PARD3: variants seen among roughly 807,000 people sequenced by gnomAD.
The protein encoded by PARD3 is partitioning defective 3 homolog.
PARD3 carries 75 observed loss-of-function variants against 155.4 expected under a neutral mutation model. The observed-to-expected ratio is 0.48, with a 90% CI of 0.40 to 0.58. The LOEUF (loss-of-function observed/expected upper bound fraction) is 0.58. Ranked by LOEUF, PARD3 falls within the 20% of genes least tolerant of loss-of-function variation. PARD3 has a pLI of 0.00. For missense variants in PARD3, 1,642 were observed against 1,721.7 expected (o/e 0.95, Z 0.82); for synonymous variants, 576 against 610.5 (o/e 0.94, Z 0.83).
chr10:34,404,562 G>A (rs1005013914), intron 5 of PARD3, among the ~76,000 whole-genome samples: 4 of 151,354 alleles, frequency 2.6e-5, no homozygotes, highest in African/African-American at 9.7e-5. Flanking sequence ...ACTAAACTGT[G>A]CCAAAGAACT....
intron 22 of PARD3, among the ~76,000 whole-genome samples, chr10:34,224,053 T>C (rs1225919584): frequency 3.3e-5 from 5 of 152,340 alleles, no homozygotes; most frequent in African/African-American, 7.2e-5. Context: ...TCCTTACAGT[T>C]TGATATGGTT....
intron 22 of PARD3, among the ~76,000 whole-genome samples, chr10:34,189,558 G>A (rs916487956): frequency 6.6e-6 from 1 of 152,154 alleles, no homozygotes; most frequent in African/African-American, 2.4e-5. Context: ...GCATGCCCTG[G>A]ATGAGGCAGT....
At chr10:34,168,936 C>A (rs996118068) in intron 22 of PARD3, among the ~76,000 whole-genome samples, 1 of 152,200 alleles carries the variant, frequency 6.6e-6, no homozygotes. Flanking sequence ...ATTGCACCAA[C>A]GCTACCTAGA....
chr10:34,152,257 TG>T (rs1323766255), intron 22 of PARD3, among the ~76,000 whole-genome samples: 2 of 152,230 alleles, frequency 1.3e-5, no homozygotes, highest in Non-Finnish European at 2.9e-5. Flanking sequence ...TGTTTAACAA[TG>T]CAGCTACATC....
At chr10:34,230,879 A>G (rs1201614359) in intron 22 of PARD3, among the ~76,000 whole-genome samples, 1 of 152,002 alleles carries the variant, frequency 6.6e-6, no homozygotes, top group East Asian at 1.9e-4. Context: ...AAATTTAAAC[A>G]TAGCTGGGCA....
chr10:34,709,388 C>T (rs947468584), intron 1 of PARD3, among the ~76,000 whole-genome samples: 1 of 152,190 alleles, frequency 6.6e-6, no homozygotes, highest in African/African-American at 2.4e-5. Context: ...TTTCAGATAA[C>T]AGATGCTCCA....
At chr10:34,347,718 CT>C (rs1837578126) in intron 15 of PARD3, among the ~76,000 whole-genome samples, 1 of 152,122 alleles carries the variant, frequency 6.6e-6, no homozygotes, top group Non-Finnish European at 1.5e-5. Flanking sequence ...TGATCCCTTT[CT>C]TTTTGGTTGC....
intron 1 of PARD3, among the ~76,000 whole-genome samples, chr10:34,750,298 C>G (rs1199912658): frequency 2.6e-5 from 4 of 152,074 alleles, no homozygotes; most frequent in Middle Eastern, 3.4e-3. Flanking sequence ...ATATCTAATT[C>G]AGAAAAGGTC....
intron 12 of PARD3, among the ~76,000 whole-genome samples, chr10:34,370,815 T>TGC (rs1840518769): frequency 7.0e-6 from 1 of 142,072 alleles, no homozygotes; most frequent in Admixed American, 7.2e-5. Context: ...GGGGTGTGTG[T>TGC]GTGTGTGTGT....
chr10:34,246,992 T>C (rs1333888567), intron 22 of PARD3, among the ~76,000 whole-genome samples: 1 of 151,700 alleles, frequency 6.6e-6, no homozygotes, highest in Non-Finnish European at 1.5e-5. Context: ...GAGGCTGAGG[T>C]GGGAGGACTG....
intron 3 of PARD3, among the ~76,000 whole-genome samples, chr10:34,514,194 G>A (rs2081569347): frequency 6.6e-6 from 1 of 152,140 alleles, no homozygotes; most frequent in Non-Finnish European, 1.5e-5. Flanking sequence ...AAGGGGATGA[G>A]TGAATTCATT....
At chr10:34,128,871 G>A (rs1366425381) in intron 23 of PARD3, among the ~76,000 whole-genome samples, 1 of 152,080 alleles carries the variant, frequency 6.6e-6, no homozygotes, top group East Asian at 1.9e-4. Flanking sequence ...GAGTTGGAAG[G>A]CTCATTAAAA....
chr10:34,750,500 CACACACACA>C (rs1564578431), intron 1 of PARD3, among the ~76,000 whole-genome samples: 19 of 145,930 alleles, frequency 1.3e-4, no homozygotes, highest in East Asian at 2.0e-4. Context: ...CACACACACA[CACACACACA>C]CCCTAAGACT....
At chr10:34,326,743 C>T (rs1245542710) in intron 19 of PARD3, among the ~76,000 whole-genome samples, 1 of 152,174 alleles carries the variant, frequency 6.6e-6, no homozygotes, top group Non-Finnish European at 1.5e-5. Flanking sequence ...TCAGTTTCTT[C>T]AAATTTCATA....
chr10:34,176,350 A>C (rs1029184901), intron 22 of PARD3, among the ~76,000 whole-genome samples: 3 of 152,218 alleles, frequency 2.0e-5, no homozygotes, highest in Non-Finnish European at 4.4e-5. Context: ...TATTAAGAAA[A>C]ATTGGAATGA....
At position 34,353,379 on chromosome 10, in the gene PARD3, T is replaced by A. The variant is rs531184639; in HGVS notation, c.2068-5264A>T. 2.0e-5 allele frequency among the ~76,000 whole-genome samples: 3 copies of A among 152,300 alleles called. No homozygotes were observed. In the East Asian group the frequency reaches 5.8e-4, roughly 29 times the overall value. ...CATTTTGTTCTGTACCAAGAAAAAT[T>A]CTTCTGCCTTGGGATGCTGTTAATC... On this transcript the variant is annotated intron_variant, in intron 14 of 24. Coordinates refer to ENST00000374788, the MANE Select transcript of PARD3 (RefSeq NM_001184785.2).
chr10:34,532,229 T>A (rs978345282), intron 2 of PARD3, among the ~76,000 whole-genome samples: 2 of 152,184 alleles, frequency 1.3e-5, no homozygotes, highest in Admixed American at 1.3e-4. Flanking sequence ...TACACATTCA[T>A]GACATATATT....
At position 34,374,785 on chromosome 10, in the gene PARD3, G is replaced by A. The variant is rs1841046759; in HGVS notation, c.1668+89C>T. ...AAGATCTAGAAACTCCTCAGAAAAT[G>A]TCTCAATAAACATTTGCCATCAGGC... On this transcript the variant is annotated intron_variant, in intron 11 of 24. Coordinates refer to ENST00000374788, the MANE Select transcript of PARD3 (RefSeq NM_001184785.2). 4.1e-6 allele frequency: 5 copies of A among 1,221,294 alleles called. No homozygotes were observed. The Admixed American group carries it at 1.1e-4, about 27-fold the overall frequency. The allele number at this position is 1,221,294 out of a possible 1,614,324, so 75.7% of individuals were successfully genotyped here.
At chr10:34,530,369 C>G (rs777619569) in intron 2 of PARD3, among the ~76,000 whole-genome samples, 4 of 152,136 alleles carry the variant, frequency 2.6e-5, no homozygotes, top group Non-Finnish European at 4.4e-5. Context: ...CTTGAATAAT[C>G]AGAACCCTTC....
Sources: allele counts gnomAD v4.1 joint callset (sites outside exome capture counted in the v4.1 genomes callset), GRCh38; gene constraint gnomAD v4.1.1; transcripts MANE v1.5; gene names NCBI Gene and HGNC (gene_info 2026-07-23, HGNC 2026-07-21).